The following TTC39C variants were observed in gnomAD, a reference collection of about 807,000 sequenced individuals.
TTC39C encodes the protein tetratricopeptide repeat protein 39C.
TTC39C carries 33 observed loss-of-function variants against 76.3 expected under a neutral mutation model. The ratio of observed to expected loss-of-function variants is 0.43; its 90% confidence interval spans 0.33 to 0.58. The LOEUF is 0.58. TTC39C is among the 20% of genes least tolerant of loss of function. TTC39C has a pLI of 0.04. For missense variants in TTC39C, 595 were observed against 701.4 expected (o/e 0.85, Z 1.71); for synonymous variants, 254 against 260.6 (o/e 0.97, Z 0.24).
chr18:24,008,222 C>T (rs1466361412), intron 1 of TTC39C, among the ~76,000 whole-genome samples: 1 of 152,186 alleles, frequency 6.6e-6, no homozygotes, highest in Non-Finnish European at 1.5e-5. Flanking sequence ...TGCATGCTCT[C>T]GAATGTCCGA....
At chr18:24,067,411 C>A (rs545391443) in intron 3 of TTC39C, among the ~76,000 whole-genome samples, 31 of 152,292 alleles carry the variant, frequency 2.0e-4, no homozygotes, top group African/African-American at 7.0e-4. Flanking sequence ...GGGTCCCCAG[C>A]CTCTGGGCCA....
chr18:24,054,325 T>C (rs1420725360), intron 1 of TTC39C, among the ~76,000 whole-genome samples: 1 of 152,216 alleles, frequency 6.6e-6, no homozygotes, highest in Non-Finnish European at 1.5e-5. Context: ...GGCTGGATGA[T>C]ATATTCCGTT....
Position 24,132,532 on chromosome 18 carries a change from C to T in TTC39C, c.1710C>T (p.Ile570=). The T allele has an allele frequency of 2.5e-6, 4 of 1,614,076 alleles. No individual in the cohort carries two copies. The highest frequency in any genetic ancestry group is 3.4e-6 in the Non-Finnish European group (4 of 1,179,994). Residue 570 remains isoleucine (I), a synonymous_variant, in exon 14 of 14, where the codon ATC becomes ATT. Coordinates refer to ENST00000317571, the MANE Select transcript of TTC39C (RefSeq NM_001135993.2). ...TTGAAAACAGATTGCATGTCCGCAT[C>T]CATGCTGCTCTGGCCTCTCTGAGGG... ...YDFENRLHVR[I]HAALASLREL...
intron 6 of TTC39C, among the ~76,000 whole-genome samples, chr18:24,086,797 T>C (rs2084445229): frequency 6.6e-6 from 1 of 152,208 alleles, no homozygotes; most frequent in Non-Finnish European, 1.5e-5. Context: ...CTGGGGGGAA[T>C]GAATGTGTGA....
chr18:24,106,341 C>T (rs971003450), intron 6 of TTC39C, among the ~76,000 whole-genome samples: 5 of 151,878 alleles, frequency 3.3e-5, no homozygotes, highest in African/African-American at 1.2e-4. Context: ...CAAAGATTCT[C>T]ACACCAAATT....
chr18:24,056,330 C>T (rs1261031935), intron 1 of TTC39C, among the ~76,000 whole-genome samples: 1 of 152,038 alleles, frequency 6.6e-6, no homozygotes, highest in Non-Finnish European at 1.5e-5. Flanking sequence ...GTCGAAACCC[C>T]CCACACATTT....
chr18:24,092,286 T>G (rs1430703769), intron 6 of TTC39C, among the ~76,000 whole-genome samples: 1 of 152,016 alleles, frequency 6.6e-6, no homozygotes, highest in African/African-American at 2.4e-5. Flanking sequence ...GTGGGCAGGA[T>G]GCAGAGTGAT....
At position 24,014,848 on chromosome 18, in the gene TTC39C, C is replaced by T. The variant is rs2083430602; in HGVS notation, c.-24C>T. 1 of 1,298,606 alleles carries T rather than the reference C, an allele frequency of 7.7e-7. No individual in the cohort carries two copies. Among genetic ancestry groups the T allele is most frequent in the African/African-American group, 1.6e-5 (1 of 63,718 alleles). The allele number at this position is 1,298,606 out of a possible 1,614,324, so 80.4% of individuals were successfully genotyped here. ...GCAGCTGCTCCCGATCTCGCCTCGG[C>T]CCAGCGCAGGGCCTCGCACGCCCAT... On this transcript the variant is annotated 5_prime_UTR_variant, in exon 1 of 14. Coordinates refer to ENST00000317571, the MANE Select transcript of TTC39C (RefSeq NM_001135993.2).
At chr18:24,042,031 T>G (rs2083799476) in intron 1 of TTC39C, among the ~76,000 whole-genome samples, 1 of 152,232 alleles carries the variant, frequency 6.6e-6, no homozygotes, top group Admixed American at 6.5e-5. Context: ...TGTTTTCAAA[T>G]TAGCATGATA....
rs1235105714 is a variant in TTC39C at position 24,135,485 on chromosome 18, G to C, written c.*2911G>C. 2 of 153,252 alleles carry C rather than the reference G, an allele frequency of 1.3e-5. No individual in the cohort carries two copies. Among genetic ancestry groups the C allele is most frequent in the East Asian group, 3.9e-4 (2 of 5,186 alleles). The allele number at this position is 153,252 out of a possible 1,614,324, so 9.5% of individuals were successfully genotyped here. ...GAAGTCTGAGTACATTTTCTGGCCT[G>C]CGTGCCGTGACTTATCCAACCTGTG... On this transcript the variant is annotated 3_prime_UTR_variant, in exon 14 of 14. Coordinates refer to ENST00000317571, the MANE Select transcript of TTC39C (RefSeq NM_001135993.2).
At chr18:23,999,365 G>T (rs1268958196) in intron 1 of TTC39C, among the ~76,000 whole-genome samples, 2 of 152,168 alleles carry the variant, frequency 1.3e-5, no homozygotes, top group Non-Finnish European at 2.9e-5. Flanking sequence ...ACCTGTCACA[G>T]CCACGCAGGA....
At chr18:24,132,411 G>A in intron 13 of TTC39C, 74 bp from the exon 14 acceptor site, 4 of 1,303,628 alleles carry the variant, frequency 3.1e-6, no homozygotes, top group Non-Finnish European at 4.3e-6. Context: ...GCAAAATTGA[G>A]TGTGCTTTAT....
At chr18:24,049,470 A>C in intron 1 of TTC39C, among the ~76,000 whole-genome samples, 1 of 152,154 alleles carries the variant, frequency 6.6e-6, no homozygotes, top group African/African-American at 2.4e-5. Flanking sequence ...TCACTCACTC[A>C]TTCACTCATT....
intron 1 of TTC39C, among the ~76,000 whole-genome samples, chr18:24,034,662 T>C (rs1292111617): frequency 3.3e-5 from 5 of 152,224 alleles, no homozygotes; most frequent in Non-Finnish European, 5.9e-5. Context: ...CCCCAGCAAC[T>C]GCCCTTCTGC....
At chr18:24,079,906 A>C (rs1274089213) in intron 4 of TTC39C, among the ~76,000 whole-genome samples, 1 of 151,702 alleles carries the variant, frequency 6.6e-6, no homozygotes, top group African/African-American at 2.4e-5. Flanking sequence ...GGCTCAGGGA[A>C]TCCTCCCACC....
chr18:24,001,918 C>T (rs1277764540), intron 1 of TTC39C, among the ~76,000 whole-genome samples: 3 of 151,316 alleles, frequency 2.0e-5, no homozygotes, highest in South Asian at 2.1e-4. Flanking sequence ...CTCCGCCTCC[C>T]GGGTTCACGC....
intron 4 of TTC39C, among the ~76,000 whole-genome samples, chr18:24,075,007 T>G (rs944615341): frequency 6.6e-6 from 1 of 152,154 alleles, no homozygotes; most frequent in African/African-American, 2.4e-5. Context: ...TGTAGGGACA[T>G]GGATGAAGCT....
At chr18:24,052,206 C>T (rs544010370) in intron 1 of TTC39C, among the ~76,000 whole-genome samples, 6 of 152,244 alleles carry the variant, frequency 3.9e-5, no homozygotes, top group South Asian at 2.1e-4. Context: ...GGGATGATGA[C>T]GTGAGTCAGA....
rs1423974843 is a variant in TTC39C, at chr18:24,021,941, GA to G, written c.167+6904del. 7.2e-5 allele frequency among the ~76,000 whole-genome samples: 11 copies of G among 152,292 alleles called. No individual in the cohort carries two copies. The East Asian group carries it at 2.1e-3, about 29-fold the overall frequency. ...GTGAGAGGCAGGTCTTTCCTTCAAG[GA>G]GGCATTACTTCATACCTTTATTCAA... is the stretch of plus-strand genomic sequence containing the variant. On this transcript the variant is annotated intron_variant, in intron 1 of 13. Transcript: ENST00000317571.
Sources: allele counts gnomAD v4.1 joint callset (sites outside exome capture counted in the v4.1 genomes callset), GRCh38; gene constraint gnomAD v4.1.1; transcripts MANE v1.5; gene names NCBI Gene and HGNC (gene_info 2026-07-23, HGNC 2026-07-21).